SLC25A13: variants seen among roughly 807,000 people sequenced by gnomAD.
SLC25A13 encodes the protein solute carrier family 25 member 13, also known as electrogenic aspartate/glutamate antiporter SLC25A13, mitochondrial.
Under a neutral mutation model 85.5 loss-of-function variants are expected in SLC25A13, and 70 were observed. The ratio of observed to expected loss-of-function variants is 0.82; its 90% CI spans 0.68 to 1.00. The LOEUF (loss-of-function observed/expected upper bound fraction) is 1.00. SLC25A13 is among the 50% of genes least tolerant of loss of function. The pLI, the probability that SLC25A13 is intolerant of heterozygous loss-of-function variation, is 0.00. For synonymous variants in SLC25A13, 259 were observed against 288.7 expected, an observed-to-expected ratio of 0.90 and a Z score of 1.04; for missense variants, 765 against 819.8, an observed-to-expected ratio of 0.93 and a Z score of 0.82.
At chr7:96,162,150 A>C (rs1035052262) in intron 13 of SLC25A13, among the ~76,000 whole-genome samples, 1 of 152,236 alleles carries the variant, frequency 6.6e-6, no homozygotes, top group Non-Finnish European at 1.5e-5. Context: ...TCCACAGGAA[A>C]TCCTGGGAAG....
rs757317844 is a variant in SLC25A13 at position 96,121,274 on chromosome 7, C to T, written c.1945G>A (p.Gly649Arg). ...GYKLAVATFA[G>R]IENKFGLYLP... is the part of the protein sequence containing the mutation. ...TAAAGTCCAAATTTGTTTTCAATCCCTGCAAATGTAGCAACTGCCAGTTTG... is the reference window on the plus strand; with the variant it reads ...TAAAGTCCAAATTTGTTTTCAATCCTTGCAAATGTAGCAACTGCCAGTTTG... The change falls in exon 18 of 18, where the codon GGG becomes AGG. Residue 649 changes from glycine to arginine, a missense_variant. Gly to Arg is a moderately radical substitution (Grantham distance 125). Coordinates refer to ENST00000265631, the MANE Select transcript of SLC25A13 (RefSeq NM_014251.3). 3 of 1,614,118 alleles carry T rather than the reference C, an allele frequency of 1.9e-6. No individual in the cohort carries two copies. Among genetic ancestry groups the T allele is most frequent in the Non-Finnish European group, 2.5e-6 (3 of 1,180,022 alleles).
intron 5 of SLC25A13, among the ~76,000 whole-genome samples, chr7:96,196,500 T>C (rs891502678): frequency 6.6e-6 from 1 of 152,178 alleles, no homozygotes; most frequent in Non-Finnish European, 1.5e-5. Context: ...AGGTGGGGGC[T>C]GGTGCTCACA....
chr7:96,297,046 G>C, intron 1 of SLC25A13, 95 bp from the exon 2 acceptor site: 1 of 1,151,868 alleles, frequency 8.7e-7, no homozygotes, highest in Non-Finnish European at 1.3e-6. Flanking sequence ...TTAAAAATTA[G>C]TGCATTTCAT....
At chr7:96,281,453 AG>A (rs1022156376) in intron 2 of SLC25A13, among the ~76,000 whole-genome samples, 12 of 152,160 alleles carry the variant, frequency 7.9e-5, no homozygotes, top group African/African-American at 2.9e-4. Context: ...ACGAATCCTA[AG>A]GGTAAAAGAA....
chr7:96,306,371 A>G (rs1464584109), intron 1 of SLC25A13, among the ~76,000 whole-genome samples: 1 of 152,234 alleles, frequency 6.6e-6, no homozygotes, highest in Non-Finnish European at 1.5e-5. Flanking sequence ...ATGACAGCCC[A>G]GTGCTTCTGG....
At chr7:96,190,061 G>A (rs1794785085) in intron 7 of SLC25A13, among the ~76,000 whole-genome samples, 1 of 151,092 alleles carries the variant, frequency 6.6e-6, no homozygotes, top group African/African-American at 2.4e-5. Context: ...ATGAAGGTGT[G>A]GAATTCCTAA....
At chr7:96,173,557 A>G (rs1012835563) in intron 11 of SLC25A13, among the ~76,000 whole-genome samples, 5 of 152,214 alleles carry the variant, frequency 3.3e-5, no homozygotes, top group African/African-American at 1.2e-4. Context: ...TTGAGTTTGC[A>G]ACGCTTCTTT....
intron 2 of SLC25A13, among the ~76,000 whole-genome samples, chr7:96,286,394 T>C (rs1485082312): frequency 6.6e-6 from 1 of 151,944 alleles, no homozygotes; most frequent in Non-Finnish European, 1.5e-5. Context: ...CCAGCCCAAG[T>C]GTTTAGCCAT....
chr7:96,241,109 A>G lies in SLC25A13; in HGVS notation c.213-6192T>C, dbSNP rs191322223. ...AAGAAAGAAAGAAAGAAAGAAAGGC[A>G]CTTTATACCAAGGGCTGGGAGTGCA... On this transcript the variant is annotated intron_variant, in intron 3 of 17. Coordinates refer to ENST00000265631, the MANE Select transcript of SLC25A13 (RefSeq NM_014251.3). 1.7e-3 allele frequency among the ~76,000 whole-genome samples: 256 copies of G among 150,900 alleles called. 1 individual carries two copies. Among genetic ancestry groups the G allele is most frequent in the Admixed American group, 0.015 (219 of 15,096 alleles).
In SLC25A13 at chr7:96,121,112, A is replaced by G; in HGVS notation, c.*79T>C. The G allele has an allele frequency of 4.1e-6, 6 of 1,459,322 alleles. No individual in the cohort carries two copies. Among genetic ancestry groups the G allele is most frequent in the Non-Finnish European group, 3.8e-6 (4 of 1,040,108 alleles). 90.4% of individuals were successfully genotyped at this position (1,459,322 alleles called of 1,614,324 possible). A position where few individuals can be genotyped will look rare whatever the true frequency, so the allele number is the denominator to read the frequency against. On this transcript the variant is annotated 3_prime_UTR_variant, in exon 18 of 18. Coordinates refer to ENST00000265631, the MANE Select transcript of SLC25A13 (RefSeq NM_014251.3). ...CAAGAGATGGACGTAAAAGGGATGA[A>G]GCATTGCTTCATTCCCAGGAGGGAT...
chr7:96,198,500 G>A (rs1042389758), intron 5 of SLC25A13, among the ~76,000 whole-genome samples: 2 of 152,162 alleles, frequency 1.3e-5, no homozygotes, highest in Non-Finnish European at 2.9e-5. Flanking sequence ...TTCAAAGACA[G>A]CATTTCACTT....
intron 15 of SLC25A13, among the ~76,000 whole-genome samples, chr7:96,122,411 C>T (rs373566575): frequency 6.6e-6 from 1 of 152,100 alleles, no homozygotes; most frequent in Non-Finnish European, 1.5e-5. Context: ...GCTTGTTATG[C>T]GTTTCCTCTT....
intron 15 of SLC25A13, among the ~76,000 whole-genome samples, chr7:96,129,500 C>T (rs1446294414): frequency 1.3e-5 from 2 of 151,978 alleles, no homozygotes; most frequent in African/African-American, 4.8e-5. Context: ...GGGGAAAAAG[C>T]ATACTACTAG....
At position 96,166,187 on chromosome 7, in the gene SLC25A13, T is replaced by C. The variant is rs995506359; in HGVS notation, c.1311+3858A>G. Among the ~76,000 whole-genome samples, 6 of 152,294 alleles carry C rather than the reference T, an allele frequency of 3.9e-5. No individual in the cohort carries two copies. The South Asian group carries it at 1.2e-3, about 32-fold the overall frequency. ...AAATGCAGTCAAAATGAATATAAACTTCTATAAACACCAATTATATTTACA... is the reference window on the plus strand; with the variant it reads ...AAATGCAGTCAAAATGAATATAAACCTCTATAAACACCAATTATATTTACA... On this transcript the variant is annotated intron_variant, in intron 13 of 17. Transcript: ENST00000265631.
intron 2 of SLC25A13, among the ~76,000 whole-genome samples, chr7:96,283,163 T>C (rs1798752582): frequency 6.6e-6 from 1 of 152,164 alleles, no homozygotes; most frequent in South Asian, 2.1e-4. Context: ...AAAATGTAGG[T>C]ACAATACTAT....
In SLC25A13 at chr7:96,234,811, C is replaced by A; in HGVS notation, c.319G>T (p.Val107Leu). The change falls in exon 4 of 18, where the codon GTA (valine) becomes TTA (leucine). Residue 107 changes from valine (V) to leucine (L), a missense_variant. Transcript: ENST00000265631. ...GAAGCATGCTTCTTACCAAAAGTTA[C>A]TTCTCCTTTGCCAGCTTTGTCAAAC... is the stretch of plus-strand genomic sequence containing the variant. ...QLFDKAGKGE[V>L]TFEDVKQVFG... 1.9e-6 allele frequency: 3 copies of A among 1,612,592 alleles called. No homozygotes were observed. The highest frequency in any genetic ancestry group is 2.5e-6 in the Non-Finnish European group (3 of 1,179,362).
At chr7:96,179,485 C>T (rs1173771045) in intron 11 of SLC25A13, among the ~76,000 whole-genome samples, 1 of 152,216 alleles carries the variant, frequency 6.6e-6, no homozygotes, top group Non-Finnish European at 1.5e-5. Context: ...CACCTTAGAT[C>T]CAGTGTGTGT....
chr7:96,138,267 T>C (rs1038257718), intron 14 of SLC25A13, among the ~76,000 whole-genome samples: 7 of 152,228 alleles, frequency 4.6e-5, no homozygotes, highest in Non-Finnish European at 1.5e-5. Context: ...TGAAGGCAAA[T>C]TGACTTTTTT....
At chr7:96,255,579 C>A (rs1406102506) in intron 3 of SLC25A13, among the ~76,000 whole-genome samples, 2 of 152,058 alleles carry the variant, frequency 1.3e-5, no homozygotes, top group Non-Finnish European at 2.9e-5. Context: ...CCCAGCAACT[C>A]CGGAGGCTGA....
Sources: allele counts gnomAD v4.1 joint callset (sites outside exome capture counted in the v4.1 genomes callset), GRCh38; gene constraint gnomAD v4.1.1; transcripts MANE v1.5; gene names NCBI Gene and HGNC (gene_info 2026-07-23, HGNC 2026-07-21).